ANKRD26: variants seen among roughly 807,000 people sequenced by gnomAD.
The protein encoded by ANKRD26 is ankyrin repeat domain 26, also known as ankyrin repeat domain-containing protein 26.
In ANKRD26, 141 loss-of-function variants were observed where a neutral mutation model predicts 208.7. That is an observed-to-expected ratio of 0.68 (90% confidence interval 0.59 to 0.78). The LOEUF (loss-of-function observed/expected upper bound fraction) is 0.78, where lower values mean the gene tolerates loss of function less well. Ranked by LOEUF, ANKRD26 falls within the 30% of genes least tolerant of loss-of-function variation. The pLI is 0.00. For missense variants in ANKRD26, 1,889 were observed against 1,938.7 expected (o/e 0.97, Z 0.48); for synonymous variants, 636 against 660.4 (o/e 0.96, Z 0.57).
At chr10:27,034,688 G>C (rs979308482) in intron 24 of ANKRD26, 108 bp downstream of exon 24, 46 of 684,920 alleles carry the variant, frequency 6.7e-5, no homozygotes, top group Middle Eastern at 8.3e-4. Context: ...TAAACTGATA[G>C]AGTAAATAAG....
intron 5 of ANKRD26, among the ~76,000 whole-genome samples, chr10:26,977,319 T>G (rs2052242504): frequency 6.6e-6 from 1 of 152,126 alleles, no homozygotes; most frequent in Non-Finnish European, 1.5e-5. Context: ...TGTCTAAAAT[T>G]GTATTAAAGT....
chr10:27,018,497 C>CA lies in ANKRD26; in HGVS notation c.4216-706dup, dbSNP rs375326016. 1.9e-3 allele frequency among the ~76,000 whole-genome samples: 289 copies of CA among 148,904 alleles called. 1 individual carries two copies. The highest frequency in any genetic ancestry group is 6.2e-3 in the African/African-American group (254 of 40,714). On this transcript the variant is annotated intron_variant, in intron 29 of 33. Coordinates refer to ENST00000376087, the MANE Select transcript of ANKRD26 (RefSeq NM_014915.3). ...TCCTATTGAGTTATTTAGGCCTCAT[C>CA]AAAAAAAAAGGCTCCCAGAATAAGA...
intron 4 of ANKRD26, chr10:26,995,268 A>G (rs1160182690): frequency 1.1e-5 from 5 of 442,286 alleles, no homozygotes; most frequent in African/African-American, 2.0e-5. Flanking sequence ...AGAGTTTAGA[A>G]GGGTCTCAAG....
At chr10:27,086,736 A>C in intron 4 of ANKRD26, 127 bp from the exon 5 acceptor site, 1 of 968,546 alleles carries the variant, frequency 1.0e-6, no homozygotes, top group Admixed American at 3.4e-5. Flanking sequence ...TATCCCATAC[A>C]CTTCAAATAT....
the ANKRD26 span, among the ~76,000 whole-genome samples, chr10:26,963,982 G>A: frequency 2.2e-5 from 3 of 138,726 alleles, no homozygotes; most frequent in Non-Finnish European, 4.5e-5. Flanking sequence ...TGCGTTCTCG[G>A]CTTACTGCAA....
At chr10:26,981,069 G>A (rs1349903451) in intron 4 of ANKRD26, among the ~76,000 whole-genome samples, 1 of 152,064 alleles carries the variant, frequency 6.6e-6, no homozygotes, top group Non-Finnish European at 1.5e-5. Flanking sequence ...CTAGTTCCCA[G>A]GTACACTAAT....
chr10:27,046,011 C>T (rs1447050345), intron 18 of ANKRD26: 2 of 211,568 alleles, frequency 9.5e-6, no homozygotes, highest in African/African-American at 4.6e-5. Context: ...GGGTCACTCC[C>T]AAAAGCATGC....
At chr10:27,047,695 G>A (rs1171736039) in intron 17 of ANKRD26, among the ~76,000 whole-genome samples, 3 of 143,290 alleles carry the variant, frequency 2.1e-5, no homozygotes, top group African/African-American at 7.8e-5. Flanking sequence ...CAGAAAAACT[G>A]TAATAATACT....
At position 27,094,249 on chromosome 10, in the gene ANKRD26, G is replaced by A. The variant is rs146770251; in HGVS notation, c.243-450C>T. Among the ~76,000 whole-genome samples the A allele has an allele frequency of 1.4e-4, 21 of 152,264 alleles. No individual in the cohort carries two copies. In the East Asian group the frequency reaches 4.1e-3, roughly 29 times the overall value. ...CTTTATAAATTACCCATATAATAAA[G>A]GGTATGTCTTTATTAGCAGCATGAG... On this transcript the variant is annotated intron_variant, in intron 1 of 33. Transcript: ENST00000376087.
At position 27,017,511 on chromosome 10, in the gene ANKRD26, T is replaced by C. The variant is rs558881577; in HGVS notation, c.4497A>G (p.Leu1499=). ...EIAEKLKEVN[L]FLQAQAASQE... is the part of the protein sequence containing the mutation. Reference sequence around the variant, plus strand: ...CTACACATAAGCTAACCTGTAAAAATAGATTGACTTCTTTTAATTTTTCTG... The same window carrying C: ...CTACACATAAGCTAACCTGTAAAAACAGATTGACTTCTTTTAATTTTTCTG... The change falls in exon 30 of 34, where the codon CTA becomes CTG. Residue 1499 remains leucine (L), a synonymous_variant. Transcript: ENST00000376087. 44 of 1,613,406 alleles carry C rather than the reference T, an allele frequency of 2.7e-5. No homozygotes were observed. The East Asian group carries it at 2.9e-4, about 11-fold the overall frequency.
the ANKRD26 span, among the ~76,000 whole-genome samples, chr10:26,962,350 A>T: frequency 6.6e-6 from 1 of 152,038 alleles, no homozygotes; most frequent in East Asian, 1.9e-4. Flanking sequence ...TGAGGCGGGC[A>T]GATCACCTGA....
At chr10:27,030,805 T>C (rs983032006) in intron 25 of ANKRD26, among the ~76,000 whole-genome samples, 1 of 152,148 alleles carries the variant, frequency 6.6e-6, no homozygotes, top group Non-Finnish European at 1.5e-5. Context: ...ATTATATCAA[T>C]GTCTCAAAGA....
chr10:27,093,566 G>A (rs1167173686), intron 2 of ANKRD26, 44 bp from the exon 3 acceptor site: 1 of 1,609,274 alleles, frequency 6.2e-7, no homozygotes, highest in Non-Finnish European at 8.5e-7. Flanking sequence ...TTCTAGGAAT[G>A]CAAAATAAAC....
chr10:27,081,403 T>C (rs2055900057), intron 6 of ANKRD26, among the ~76,000 whole-genome samples: 1 of 152,180 alleles, frequency 6.6e-6, no homozygotes, highest in Non-Finnish European at 1.5e-5. Context: ...CTAGATCCAC[T>C]CACCCTTTCT....
At chr10:26,984,438 C>A (rs1363228400) in intron 3 of ANKRD26, among the ~76,000 whole-genome samples, 1 of 152,158 alleles carries the variant, frequency 6.6e-6, no homozygotes, top group African/African-American at 2.4e-5. Context: ...TAAGTCTATA[C>A]CCCCTAATTG....
At chr10:27,077,253 T>G (rs1040663390) in intron 9 of ANKRD26, 85 bp downstream of exon 9, 8 of 1,183,344 alleles carry the variant, frequency 6.8e-6, no homozygotes. Context: ...AAAAACTGTA[T>G]GATCATCTCA....
At chr10:27,054,187 T>C (rs1043971547) in intron 15 of ANKRD26, among the ~76,000 whole-genome samples, 1 of 152,140 alleles carries the variant, frequency 6.6e-6, no homozygotes, top group Non-Finnish European at 1.5e-5. Context: ...TCCCAGACGG[T>C]AGGGGACAAT....
intron 6 of ANKRD26, among the ~76,000 whole-genome samples, chr10:27,082,520 TCTATC>T (rs916978514): frequency 1.2e-4 from 19 of 152,210 alleles, no homozygotes; most frequent in Non-Finnish European, 2.1e-4. Flanking sequence ...CGCACAGGTC[TCTATC>T]AATCTATGCT....
downstream of ANKRD26, among the ~76,000 whole-genome samples, chr10:27,001,279 A>G (rs1490749168): frequency 6.6e-6 from 1 of 152,158 alleles, no homozygotes; most frequent in African/African-American, 2.4e-5. Flanking sequence ...GAAGGGCCTA[A>G]GCGTGGGAGT....
Sources: allele counts gnomAD v4.1 joint callset (sites outside exome capture counted in the v4.1 genomes callset), GRCh38; gene constraint gnomAD v4.1.1; transcripts MANE v1.5; gene names NCBI Gene and HGNC (gene_info 2026-07-23, HGNC 2026-07-21).